Variants in UNC93A observed in about 807,000 individuals in gnomAD.
UNC93A encodes the protein unc-93 homolog A, also known as N-acetylglucosamine transporter UNC93A.
UNC93A carries 43 observed loss-of-function variants against 47.5 expected under a neutral mutation model. The observed-to-expected ratio is 0.91, with a 90% CI of 0.71 to 1.17. The LOEUF (loss-of-function observed/expected upper bound fraction) is 1.17. Among genes scored for constraint, UNC93A ranks in the 50% most tolerant of loss-of-function variants. UNC93A has a pLI of 0.00. For missense variants in UNC93A, 605 were observed against 577.6 expected (o/e 1.05, Z -0.49); for synonymous variants, 280 against 258.0 (o/e 1.09, Z -0.82).
At chr6:167,290,661 T>G (rs1054921147), upstream of UNC93A, among the ~76,000 whole-genome samples, 4 of 152,220 alleles carry the variant, frequency 2.6e-5, no homozygotes, top group African/African-American at 7.2e-5. Context: ...TTTTATCAGT[T>G]GCACTTGCCA....
At chr6:167,283,277 G>C (rs1398911808) in intron 1 of UNC93A, among the ~76,000 whole-genome samples, 1 of 152,184 alleles carries the variant, frequency 6.6e-6, no homozygotes, top group Non-Finnish European at 1.5e-5. Context: ...AATAGAGTTA[G>C]GTTGGAATGT....
chr6:167,281,270 C>T (rs944753194), intron 1 of UNC93A, among the ~76,000 whole-genome samples: 2 of 151,890 alleles, frequency 1.3e-5, no homozygotes, highest in African/African-American at 4.8e-5. Context: ...GGAGAGGAGC[C>T]CCAGGAGGAG....
chr6:167,277,099 G>A (rs1401049769), intron 1 of UNC93A, among the ~76,000 whole-genome samples: 1 of 152,202 alleles, frequency 6.6e-6, no homozygotes, highest in Non-Finnish European at 1.5e-5. Flanking sequence ...GGCACGTTAC[G>A]GCCAGTCAGG....
rs563013230 is a variant in UNC93A at position 167,307,749 on chromosome 6, C to T, written c.977-30C>T. 2.2e-5 allele frequency: 36 copies of T among 1,611,246 alleles called. No homozygotes were observed. The Admixed American group carries it at 2.5e-4, about 11-fold the overall frequency. ...TCCAGGCCATGATGATGGCCCTCATCGCCTGGCGGTTTCCCCTCTGCACCC... is the reference window on the plus strand; with the variant it reads ...TCCAGGCCATGATGATGGCCCTCATTGCCTGGCGGTTTCCCCTCTGCACCC... On this transcript the variant is annotated intron_variant, in intron 6 of 7. Coordinates refer to ENST00000230256, the MANE Select transcript of UNC93A (RefSeq NM_018974.4).
At chr6:167,305,782 T>A in intron 5 of UNC93A, 133 bp from the exon 6 acceptor site, 1 of 1,266,424 alleles carries the variant, frequency 7.9e-7, no homozygotes, top group Non-Finnish European at 1.1e-6. Flanking sequence ...CCACAGAGCC[T>A]AGAGGAAGGT....
chr6:167,298,052 C>T lies in UNC93A; in HGVS notation c.607C>T (p.Leu203Phe). The change falls in exon 4 of 8, where the codon CTC (leucine) becomes TTC (phenylalanine). Residue 203 changes from leucine (L) to phenylalanine (F), a missense_variant. Leu to Phe is a conservative substitution (Grantham distance 22). Coordinates refer to ENST00000230256, the MANE Select transcript of UNC93A (RefSeq NM_018974.4). ...QRPSQQLVYT[L>F]LGIYTGSGVL... Reference sequence around the variant, plus strand: ...GCCCTCCCAGCAGCTGGTCTACACCCTCCTGGGCATCTACACTGGTACGAG... The same window carrying T: ...GCCCTCCCAGCAGCTGGTCTACACCTTCCTGGGCATCTACACTGGTACGAG... 4 of 1,613,548 alleles carry T rather than the reference C, an allele frequency of 2.5e-6. No individual in the cohort carries two copies. The highest frequency in any genetic ancestry group is 3.4e-6 in the Non-Finnish European group (4 of 1,179,858).
intron 2 of UNC93A, among the ~76,000 whole-genome samples, chr6:167,295,434 G>GTTGTTTGCAATC (rs1562349908): frequency 1.1e-5 from 1 of 90,306 alleles, no homozygotes; most frequent in African/African-American, 6.2e-5. Context: ...CGTGATCCTC[G>GTTGTTTGCAATC]GCCTCCCTCG....
intron 1 of UNC93A, among the ~76,000 whole-genome samples, chr6:167,271,816 AAAT>A (rs1393300246): frequency 6.6e-6 from 1 of 152,212 alleles, no homozygotes; most frequent in Non-Finnish European, 1.5e-5. Context: ...CTTCTAAACA[AAAT>A]AATGACAAAT....
intron 7 of UNC93A, among the ~76,000 whole-genome samples, chr6:167,314,794 T>A (rs557021749): frequency 2.7e-4 from 41 of 152,142 alleles, no homozygotes; most frequent in Non-Finnish European, 5.1e-4. Flanking sequence ...TTGCTTGGAG[T>A]TGTCTTGCCT....
intron 4 of UNC93A, among the ~76,000 whole-genome samples, chr6:167,302,949 T>C (rs763027238): frequency 1.3e-5 from 2 of 152,186 alleles, no homozygotes; most frequent in Non-Finnish European, 2.9e-5. Flanking sequence ...GCCCAGGCTG[T>C]GACCCTTCCC....
In UNC93A at chr6:167,302,570, T is replaced by C. The variant is rs529711677; in HGVS notation, c.626-1349T>C. ...CATGAGGGGACGAAAGGGCTTCTAG[T>C]AAAGTGAGAAACGCCTAAATAAACA... is the stretch of plus-strand genomic sequence containing the variant. On this transcript the variant is annotated intron_variant, in intron 4 of 7. Transcript: ENST00000230256. 7.9e-5 allele frequency among the ~76,000 whole-genome samples: 12 copies of C among 152,164 alleles called. No individual in the cohort carries two copies. The South Asian group carries it at 2.5e-3, about 32-fold the overall frequency.
intron 1 of UNC93A, among the ~76,000 whole-genome samples, chr6:167,281,539 G>A (rs1418172004): frequency 2.0e-5 from 3 of 152,198 alleles, no homozygotes; most frequent in Non-Finnish European, 4.4e-5. Context: ...TTAGATGCAC[G>A]TGGGGAGGAG....
intron 1 of UNC93A, among the ~76,000 whole-genome samples, chr6:167,273,397 G>A (rs1187578250): frequency 1.3e-5 from 2 of 152,136 alleles, no homozygotes; most frequent in Non-Finnish European, 2.9e-5. Flanking sequence ...CTCCTCATTG[G>A]CCCATGGGAG....
chr6:167,284,194 A>T (rs1487567687), intron 1 of UNC93A, among the ~76,000 whole-genome samples: 1 of 146,036 alleles, frequency 6.8e-6, no homozygotes, highest in East Asian at 2.0e-4. Context: ...TTTTACCAGA[A>T]CCCCATGGGT....
chr6:167,276,906 G>A (rs1420256792), intron 1 of UNC93A, among the ~76,000 whole-genome samples: 1 of 152,198 alleles, frequency 6.6e-6, no homozygotes, highest in Non-Finnish European at 1.5e-5. Flanking sequence ...CCCAGTCCCC[G>A]GGGTGTACCT....
chr6:167,295,727 T>G (rs62438490), intron 2 of UNC93A, among the ~76,000 whole-genome samples: 1,159 of 47,648 alleles, frequency 0.024, 171 homozygotes, highest in African/African-American at 0.079. Context: ...CTCCTCGCCT[T>G]CCTCGTGCTC....
At chr6:167,279,638 A>G (rs1783599387) in intron 1 of UNC93A, among the ~76,000 whole-genome samples, 1 of 152,218 alleles carries the variant, frequency 6.6e-6, no homozygotes, top group Non-Finnish European at 1.5e-5. Flanking sequence ...GGAATCAGAA[A>G]ACATATTCTT....
At chr6:167,284,487 A>G (rs1157189968) in intron 1 of UNC93A, among the ~76,000 whole-genome samples, 3 of 152,378 alleles carry the variant, frequency 2.0e-5, no homozygotes, top group Admixed American at 6.5e-5. Flanking sequence ...TGGGGGACAG[A>G]GGAGAGGAGG....
At chr6:167,300,128 C>T (rs552107435) in intron 4 of UNC93A, among the ~76,000 whole-genome samples, 10 of 152,146 alleles carry the variant, frequency 6.6e-5, no homozygotes, top group Non-Finnish European at 1.2e-4. Context: ...GGCTTGAGGA[C>T]GCAGTGGGAC....
Sources: allele counts gnomAD v4.1 joint callset (sites outside exome capture counted in the v4.1 genomes callset), GRCh38; gene constraint gnomAD v4.1.1; transcripts MANE v1.5; gene names NCBI Gene and HGNC (gene_info 2026-07-23, HGNC 2026-07-21).